The following EBF1 variants were observed in gnomAD, a reference collection of about 807,000 sequenced individuals.
EBF1 encodes EBF transcription factor 1.
EBF1 carries 10 observed loss-of-function variants against 68.4 expected under a neutral mutation model. The observed-to-expected ratio is 0.15, with a 90% CI of 0.09 to 0.25. EBF1 has a LOEUF of 0.25. Among genes scored for constraint, EBF1 ranks in the 10% least tolerant of loss-of-function variants. The pLI, the probability that EBF1 is intolerant of heterozygous loss-of-function variation, is 1.00. For missense variants in EBF1, 509 were observed against 794.4 expected, an observed-to-expected ratio of 0.64 and a Z score of 4.32; for synonymous variants, 298 against 299.8, an observed-to-expected ratio of 0.99 and a Z score of 0.06.
rs1584391158 is a variant in EBF1 at position 159,067,485 on chromosome 5, T to C, written c.554+5911A>G. Among the ~76,000 whole-genome samples, 4 of 152,228 alleles carry C rather than the reference T, an allele frequency of 2.6e-5. No individual in the cohort carries two copies. The South Asian group carries it at 8.3e-4, about 31-fold the overall frequency. On this transcript the variant is annotated intron_variant, in intron 6 of 15. Coordinates refer to ENST00000313708, the MANE Select transcript of EBF1 (RefSeq NM_024007.5). ...TCATTATACAGTGTCTGCAATAGTA[T>C]TATACCATGTAAAAGTACTTTGCAT...
chr5:158,766,521 T>G (rs551249976), intron 10 of EBF1, among the ~76,000 whole-genome samples: 1 of 152,180 alleles, frequency 6.6e-6, no homozygotes, highest in East Asian at 1.9e-4. Context: ...CATTTGATAA[T>G]GTATTGGTAT....
At chr5:158,792,325 C>T (rs1778797688) in intron 9 of EBF1, among the ~76,000 whole-genome samples, 1 of 152,154 alleles carries the variant, frequency 6.6e-6, no homozygotes, top group African/African-American at 2.4e-5. Flanking sequence ...TGGGAGCTCG[C>T]AGAAGGCAGA....
rs187382921 is a variant in EBF1, at chr5:158,713,361, G to A, written c.1192-214C>T. 1.3e-4 allele frequency among the ~76,000 whole-genome samples: 20 copies of A among 152,254 alleles called. No homozygotes were observed. The East Asian group carries it at 1.3e-3, about 10-fold the overall frequency. On this transcript the variant is annotated intron_variant, in intron 12 of 15. Coordinates refer to ENST00000313708, the MANE Select transcript of EBF1 (RefSeq NM_024007.5). ...GGCTCAGAAAGTCAAAAACCTCACC[G>A]AAGTACACTCACCTATTTAAGAACA... is the stretch of plus-strand genomic sequence containing the variant.
intron 6 of EBF1, among the ~76,000 whole-genome samples, chr5:158,965,703 C>A (rs1188771405): frequency 3.3e-5 from 5 of 152,200 alleles, no homozygotes; most frequent in African/African-American, 7.2e-5. Flanking sequence ...GGATGCTACA[C>A]TTTTTCTAAT....
At chr5:159,031,664 G>A (rs931007248) in intron 6 of EBF1, among the ~76,000 whole-genome samples, 1 of 152,064 alleles carries the variant, frequency 6.6e-6, no homozygotes, top group Non-Finnish European at 1.5e-5. Flanking sequence ...TCGAAAGGTC[G>A]CAAACTCACA....
intron 6 of EBF1, among the ~76,000 whole-genome samples, chr5:158,940,727 C>T (rs1232809599): frequency 7.9e-6 from 1 of 126,838 alleles, no homozygotes; most frequent in Non-Finnish European, 1.6e-5. Context: ...TCTTTCCACA[C>T]AATTAGCCTT....
At chr5:159,051,415 C>G (rs1210591244) in intron 6 of EBF1, among the ~76,000 whole-genome samples, 2 of 131,202 alleles carry the variant, frequency 1.5e-5, no homozygotes, top group Non-Finnish European at 3.3e-5. Flanking sequence ...CCTCCCCCTC[C>G]CCCCCGCTCC....
intron 6 of EBF1, among the ~76,000 whole-genome samples, chr5:158,942,385 T>G (rs1813613195): frequency 1.3e-5 from 2 of 152,226 alleles, no homozygotes; most frequent in African/African-American, 4.8e-5. Flanking sequence ...CTTGGGCAAG[T>G]TACTTCAGCT....
At chr5:158,835,675 A>AT (rs1366847888) in intron 7 of EBF1, among the ~76,000 whole-genome samples, 5 of 151,432 alleles carry the variant, frequency 3.3e-5, no homozygotes, top group African/African-American at 9.7e-5. Flanking sequence ...ACTATGGACA[A>AT]TTTTTTTTTG....
intron 6 of EBF1, among the ~76,000 whole-genome samples, chr5:158,911,116 C>A (rs1805866441): frequency 6.6e-6 from 1 of 152,146 alleles, no homozygotes; most frequent in Non-Finnish European, 1.5e-5. Flanking sequence ...TCTGAAATTG[C>A]AGCAGCTACT....
At chr5:158,875,225 G>T (rs892604479) in intron 6 of EBF1, among the ~76,000 whole-genome samples, 1 of 152,146 alleles carries the variant, frequency 6.6e-6, no homozygotes, top group African/African-American at 2.4e-5. Flanking sequence ...CCAAACAGAG[G>T]AATGAAGGTA....
At chr5:158,792,588 G>A (rs556167868) in intron 9 of EBF1, among the ~76,000 whole-genome samples, 1 of 152,322 alleles carries the variant, frequency 6.6e-6, no homozygotes, top group South Asian at 2.1e-4. Flanking sequence ...CCTGCTTCCT[G>A]GGTGTGTTGG....
chr5:159,047,009 A>G (rs1306621757), intron 6 of EBF1, among the ~76,000 whole-genome samples: 1 of 152,224 alleles, frequency 6.6e-6, no homozygotes, highest in Non-Finnish European at 1.5e-5. Flanking sequence ...TTCATCCAAT[A>G]ACTCATTCAA....
chr5:158,812,829 A>C (rs933470122), intron 8 of EBF1, among the ~76,000 whole-genome samples: 8 of 152,072 alleles, frequency 5.3e-5, no homozygotes, highest in African/African-American at 1.9e-4. Flanking sequence ...TTTCCAAACT[A>C]ATTTCTGCTC....
intron 6 of EBF1, among the ~76,000 whole-genome samples, chr5:158,953,084 A>G (rs1425990156): frequency 1.3e-5 from 2 of 152,132 alleles, no homozygotes; most frequent in African/African-American, 4.8e-5. Flanking sequence ...ACTTGCAGAC[A>G]TACATCACTA....
intron 6 of EBF1, among the ~76,000 whole-genome samples, chr5:158,869,864 G>A (rs1161257396): frequency 6.6e-6 from 1 of 152,184 alleles, no homozygotes; most frequent in Non-Finnish European, 1.5e-5. Flanking sequence ...TCTTTTGAAT[G>A]AGAAAGAGGC....
At chr5:158,972,496 T>TA (rs1240409488) in intron 6 of EBF1, among the ~76,000 whole-genome samples, 1 of 152,192 alleles carries the variant, frequency 6.6e-6, no homozygotes. Flanking sequence ...GAAGCCATTC[T>TA]AAAAACATCA....
intron 6 of EBF1, among the ~76,000 whole-genome samples, chr5:158,881,091 T>G (rs936904240): frequency 6.6e-6 from 1 of 152,154 alleles, no homozygotes; most frequent in Non-Finnish European, 1.5e-5. Context: ...AAAGAAACTC[T>G]GGGGCCTGAG....
intron 8 of EBF1, among the ~76,000 whole-genome samples, chr5:158,797,202 A>G (rs575946396): frequency 6.6e-6 from 1 of 152,244 alleles, no homozygotes; most frequent in East Asian, 1.9e-4. Context: ...TTTTCTTTCC[A>G]TTATAAATGG....
Sources: allele counts gnomAD v4.1 joint callset (sites outside exome capture counted in the v4.1 genomes callset), GRCh38; gene constraint gnomAD v4.1.1; transcripts MANE v1.5; gene names NCBI Gene and HGNC (gene_info 2026-07-23, HGNC 2026-07-21).